The following SLC40A1 variants were observed in gnomAD, a reference collection of about 807,000 sequenced individuals.
The protein encoded by SLC40A1 is ferroportin.
SLC40A1 carries 16 observed loss-of-function variants against 53.5 expected under a neutral mutation model. That is an observed-to-expected ratio of 0.30 (90% CI 0.20 to 0.45). The LOEUF (loss-of-function observed/expected upper bound fraction) is 0.45, where lower values mean the gene tolerates loss of function less well. SLC40A1 is among the 20% of genes least tolerant of loss of function. The pLI is 1.00. For synonymous variants in SLC40A1, 247 were observed against 253.2 expected (o/e 0.98, Z 0.23); for missense variants, 545 against 695.4 (o/e 0.78, Z 2.43).
intron 2 of SLC40A1, chr2:189,578,321 A>G (rs749375710): frequency 2.3e-5 from 23 of 1,002,350 alleles, no homozygotes; most frequent in Admixed American, 6.1e-5. Flanking sequence ...GTTTAATCCA[A>G]CTTTCTCATG....
intron 2 of SLC40A1, chr2:189,578,337 T>C (rs1265703951): frequency 2.0e-6 from 2 of 1,002,376 alleles, no homozygotes; most frequent in Non-Finnish European, 2.4e-6. Context: ...TCATGAGAAC[T>C]TCCTTTGCTT....
chr2:189,565,329 G>A (rs758432057), intron 6 of SLC40A1, 25 bp downstream of exon 6: 3 of 1,613,514 alleles, frequency 1.9e-6, no homozygotes, highest in South Asian at 1.1e-5. Flanking sequence ...GAGAACAAAA[G>A]GAGAGATCAT....
chr2:189,567,737 A>T (rs1421045517), intron 5 of SLC40A1, among the ~76,000 whole-genome samples: 2 of 152,156 alleles, frequency 1.3e-5, no homozygotes, highest in Non-Finnish European at 2.9e-5. Context: ...CTATGAGTAT[A>T]TATTGCATAT....
Position 189,571,879 on chromosome 2 carries a change from G to A in SLC40A1, c.388-38C>T, listed in dbSNP as rs761836686. ...AAGAAAAAAATGAGTTATAATGTCA[G>A]TTTACCACACTGTACATATGTCACT... On this transcript the variant is annotated intron_variant, in intron 4 of 7. Transcript: ENST00000261024. 13 of 1,308,280 alleles carry A rather than the reference G, an allele frequency of 9.9e-6. No homozygotes were observed. The Middle Eastern group carries it at 5.5e-4, about 56-fold the overall frequency. 81.0% of individuals were successfully genotyped at this position (1,308,280 alleles called of 1,614,324 possible).
Position 189,580,712 on chromosome 2 carries a change from C to T in SLC40A1, c.-252G>A. ...TTGGAAAGGCAAAGCCTTATGGAAG[C>T]GGTTTGGGAGGCTCAGCAGGTCGTC... On this transcript the variant is annotated 5_prime_UTR_variant, in exon 1 of 8. Coordinates refer to ENST00000261024, the MANE Select transcript of SLC40A1 (RefSeq NM_014585.6). 2 of 1,408,506 alleles carry T rather than the reference C, an allele frequency of 1.4e-6. No homozygotes were observed. Among genetic ancestry groups the T allele is most frequent in the Non-Finnish European group, 1.9e-6 (2 of 1,080,678 alleles). The allele number at this position is 1,408,506 out of a possible 1,614,324, so 87.3% of individuals were successfully genotyped here. A position where few individuals can be genotyped will look rare whatever the true frequency, so the allele number is the denominator to read the frequency against.
intron 6 of SLC40A1, 81 bp downstream of exon 6, chr2:189,565,273 A>C: frequency 6.4e-7 from 1 of 1,572,068 alleles, no homozygotes; most frequent in Admixed American, 1.7e-5. Flanking sequence ...ACCTGATACA[A>C]ATTCAAAATA....
intron 5 of SLC40A1, 137 bp from the exon 6 acceptor site, chr2:189,565,736 G>A: frequency 7.8e-7 from 1 of 1,283,594 alleles, no homozygotes; most frequent in Middle Eastern, 1.9e-4. Flanking sequence ...TTGTAAGAAA[G>A]ACATTTTGTT....
At position 189,562,202 on chromosome 2, in the gene SLC40A1, A is replaced by G; in HGVS notation, c.1403-11T>C. The G allele has an allele frequency of 6.4e-7, 1 of 1,574,670 alleles. No homozygotes were observed. The highest frequency in any genetic ancestry group is 2.4e-5 in the East Asian group (1 of 41,814). ...CAAAGGACCAAAGACCTATAATAAA[A>G]TATTTTTTTAAAGATTAGATTTTAG... On this transcript the variant is annotated splice_polypyrimidine_tract_variant and intron_variant, in intron 7 of 7. Transcript: ENST00000261024.
rs1010890004 is a variant in SLC40A1, at chr2:189,565,487, C to T, written c.627G>A (p.Ser209=). 9.3e-6 allele frequency: 15 copies of T among 1,614,078 alleles called. No homozygotes were observed. Among genetic ancestry groups the T allele is most frequent in the African/African-American group, 2.7e-5 (2 of 74,920 alleles). Reference sequence around the variant, plus strand: ...CGCACATGGATACCAAGTTCCATCCCGAAATAAAGCCACAGCCGATGACTG... The same window carrying T: ...CGCACATGGATACCAAGTTCCATCCTGAAATAAAGCCACAGCCGATGACTG... ...GSPVIGCGFI[S]GWNLVSMCVE... is the part of the protein sequence containing the mutation. Residue 209 remains serine (S), a synonymous_variant, in exon 6 of 8, where the codon TCG becomes TCA. Coordinates refer to ENST00000261024, the MANE Select transcript of SLC40A1 (RefSeq NM_014585.6).
rs893555184 is a variant in SLC40A1, at chr2:189,564,188, C to T, written c.798G>A (p.Met266Ile). The T allele has an allele frequency of 8.7e-6, 14 of 1,613,958 alleles. No homozygotes were observed. The highest frequency in any genetic ancestry group is 1.1e-5 in the Non-Finnish European group (13 of 1,179,994). Residue 266 changes from methionine (M) to isoleucine (I), a missense_variant, in exon 7 of 8, where the codon ATG becomes ATA. By Grantham distance (10) the Met-to-Ile change is conservative (BLOSUM62 1). Coordinates refer to ENST00000261024, the MANE Select transcript of SLC40A1 (RefSeq NM_014585.6). ...EPKPLEGTHL[M>I]GVKDSNIHEL... ...CATGGATGTTAGAGTCTTTCACACC[C>T]ATTAGATGAGTTCCCTCCAGGGGTT...
chr2:189,573,874 C>T (rs778599482), intron 3 of SLC40A1, among the ~76,000 whole-genome samples: 1 of 152,164 alleles, frequency 6.6e-6, no homozygotes, highest in Non-Finnish European at 1.5e-5. Flanking sequence ...GATATAAAAT[C>T]CCAACATATT....
chr2:189,570,990 A>G (rs2031107907), intron 5 of SLC40A1, among the ~76,000 whole-genome samples: 1 of 152,166 alleles, frequency 6.6e-6, no homozygotes. Flanking sequence ...AATTTGTGTC[A>G]ATCCAAATTG....
At chr2:189,571,369 T>C (rs773881744) in intron 5 of SLC40A1, among the ~76,000 whole-genome samples, 2 of 151,882 alleles carry the variant, frequency 1.3e-5, no homozygotes, top group Non-Finnish European at 2.9e-5. Context: ...CATTCATAGG[T>C]ATGACCAGTA....
In SLC40A1 at chr2:189,561,957, A is replaced by G. The variant is rs1256655604; in HGVS notation, c.1637T>C (p.Leu546Pro). The G allele has an allele frequency of 6.2e-7, 1 of 1,614,190 alleles. No homozygotes were observed. The highest frequency in any genetic ancestry group is 1.7e-5 in the Admixed American group (1 of 60,028). ...IMYFRFAQNTLGNKLFACGPD... is the reference protein window; with the variant it reads ...IMYFRFAQNTPGNKLFACGPD... ...ACCGCAAGCAAAGAGCTTGTTTCCC[A>G]GAGTATTTTGGGCAAATCGGAAATA... Residue 546 changes from leucine to proline, a missense_variant, in exon 8 of 8, where the codon CTG becomes CCG. Physicochemically the swap from Leu to Pro is moderately conservative, Grantham distance 98. This residue lies in a region of SLC40A1 where 234 missense variants were observed against 299.0 expected (regional missense o/e 0.78). Coordinates refer to ENST00000261024, the MANE Select transcript of SLC40A1 (RefSeq NM_014585.6).
intron 5 of SLC40A1, among the ~76,000 whole-genome samples, chr2:189,566,158 A>C (rs757613835): frequency 2.6e-5 from 4 of 152,198 alleles, no homozygotes; most frequent in Non-Finnish European, 4.4e-5. Flanking sequence ...TGTTCTAAAT[A>C]AGGCGAGGTC....
At position 189,565,367 on chromosome 2, in the gene SLC40A1, C is replaced by G. The variant is rs2030901544; in HGVS notation, c.747G>C (p.Leu249=). The change falls in exon 6 of 8, where the codon CTG becomes CTC. Residue 249 remains leucine (L), a synonymous_variant. Transcript: ENST00000261024. The part of the protein sequence containing the change: ...LKEEETELKQ[L]NLHKDTEPKP... ...TGTTCAGTTTACCTTTGTGTAAATT[C>G]AGCTGTTTCAATTCAGTTTCCTCTT... 6.2e-7 allele frequency: 1 copy of G among 1,614,080 alleles called. No individual in the cohort carries two copies. Among genetic ancestry groups the G allele is most frequent in the African/African-American group, 1.3e-5 (1 of 74,940 alleles).
Position 189,565,995 on chromosome 2 carries a change from GAAAGA to G in SLC40A1, c.515-401_515-397del, listed in dbSNP as rs566472130. On this transcript the variant is annotated intron_variant, in intron 5 of 7. Coordinates refer to ENST00000261024, the MANE Select transcript of SLC40A1 (RefSeq NM_014585.6). Reference sequence around the variant, plus strand: ...CTTCACAGAGTTTATATTCTCACAGGAAAGAAAAGACAATAAATCAACAAGCATAT... The same window carrying G: ...CTTCACAGAGTTTATATTCTCACAGGAAAGACAATAAATCAACAAGCATAT... Among the ~76,000 whole-genome samples, 445 of 152,096 alleles carry G rather than the reference GAAAGA, an allele frequency of 2.9e-3. 1 individual carries two copies. The highest frequency in any genetic ancestry group is 0.01 in the African/African-American group (430 of 41,512).
At chr2:189,569,577 C>G (rs993329235) in intron 5 of SLC40A1, among the ~76,000 whole-genome samples, 2 of 152,124 alleles carry the variant, frequency 1.3e-5, no homozygotes, top group South Asian at 4.1e-4. Flanking sequence ...AGAAATGGCA[C>G]AAAAAATCCA....
At chr2:189,564,665 C>A (rs987432783) in intron 6 of SLC40A1, among the ~76,000 whole-genome samples, 1 of 152,024 alleles carries the variant, frequency 6.6e-6, no homozygotes, top group Admixed American at 6.6e-5. Flanking sequence ...ATGGTGAAAC[C>A]CCGTCTCTAC....
Sources: allele counts gnomAD v4.1 joint callset (sites outside exome capture counted in the v4.1 genomes callset), GRCh38; gene constraint gnomAD v4.1.1; regional missense constraint gnomAD v4.1.1; transcripts MANE v1.5; gene names NCBI Gene and HGNC (gene_info 2026-07-23, HGNC 2026-07-21).